CDK12: variants seen among roughly 807,000 people sequenced by gnomAD.
CDK12 encodes cyclin dependent kinase 12.
In CDK12, 17 loss-of-function variants were observed where a neutral mutation model predicts 133.8. The ratio of observed to expected loss-of-function variants is 0.13; its 90% CI spans 0.09 to 0.19. The LOEUF is 0.19. Ranked by LOEUF, CDK12 falls within the 10% of genes least tolerant of loss-of-function variation. The pLI is 1.00. For missense variants in CDK12, 1,508 were observed against 1,818.7 expected (o/e 0.83, Z 3.11); for synonymous variants, 694 against 683.6 (o/e 1.02, Z -0.24).
chr17:39,511,691 T>C (rs2053516000), intron 8 of CDK12, 61 bp downstream of exon 8: 14 of 1,108,552 alleles, frequency 1.3e-5, no homozygotes, highest in Non-Finnish European at 1.8e-5. Context: ...TTGTACTTTG[T>C]TTTCTCTGTA....
At chr17:39,509,263 G>A (rs1399765781) in intron 6 of CDK12, among the ~76,000 whole-genome samples, 1 of 152,068 alleles carries the variant, frequency 6.6e-6, no homozygotes, top group Non-Finnish European at 1.5e-5. Flanking sequence ...TGGGACTACA[G>A]GTGTGAGCCA....
At chr17:39,512,934 A>G (rs759396922) in intron 8 of CDK12, among the ~76,000 whole-genome samples, 6 of 152,100 alleles carry the variant, frequency 3.9e-5, no homozygotes, top group Non-Finnish European at 5.9e-5. Flanking sequence ...CATTGTGGTT[A>G]TTATCCTTAT....
chr17:39,542,477 C>G (rs1371885022), intron 1 of CDK12, among the ~76,000 whole-genome samples: 1 of 151,728 alleles, frequency 6.6e-6, no homozygotes, highest in Non-Finnish European at 1.5e-5. Context: ...AGGCGTGAGC[C>G]ACCGCGCCCA....
At chr17:39,543,529 G>A (rs1046302691), upstream of CDK12, among the ~76,000 whole-genome samples, 6 of 152,192 alleles carry the variant, frequency 3.9e-5, no homozygotes, top group Admixed American at 3.9e-4. Flanking sequence ...GGGCATCATT[G>A]GGCAGATTAG....
intron 3 of CDK12, among the ~76,000 whole-genome samples, chr17:39,557,500 C>T (rs1226437602): frequency 6.6e-6 from 1 of 152,168 alleles, no homozygotes; most frequent in East Asian, 1.9e-4. Context: ...CTTGACCTTT[C>T]ATGGAGGGGC....
intron 12 of CDK12, 107 bp downstream of exon 12, chr17:39,524,992 C>A: frequency 1.1e-6 from 1 of 880,222 alleles, no homozygotes; most frequent in Non-Finnish European, 1.7e-6. Context: ...GTTTTTGGTC[C>A]AGTGAACCAT....
chr17:39,519,831 A>G (rs2054057791), intron 10 of CDK12, 125 bp from the exon 11 acceptor site: 2 of 925,000 alleles, frequency 2.2e-6, no homozygotes, highest in Non-Finnish European at 3.3e-6. Flanking sequence ...TTCTGGCCTC[A>G]CGCAGTCCTA....
rs1275210314 is a variant in CDK12, at chr17:39,533,978, A to C, written c.*2662A>C. On this transcript the variant is annotated 3_prime_UTR_variant, in exon 14 of 14. Transcript: ENST00000447079. ...TCAAAAGTGGTTTTCGTTTTGTTTT[A>C]ATTATTGTACAATGAGAGATATTGT... The C allele has an allele frequency of 4.3e-6, 1 of 232,166 alleles. No homozygotes were observed. Among genetic ancestry groups the C allele is most frequent in the African/African-American group, 2.2e-5 (1 of 45,268 alleles). 14.4% of individuals were successfully genotyped at this position (232,166 alleles called of 1,614,324 possible). A position where few individuals can be genotyped will look rare whatever the true frequency, so the allele number is the denominator to read the frequency against.
intron 2 of CDK12, among the ~76,000 whole-genome samples, chr17:39,476,740 T>TTTTTTTTTTG (rs2050239995): frequency 7.2e-6 from 1 of 139,372 alleles, no homozygotes; most frequent in Non-Finnish European, 1.5e-5. Flanking sequence ...TTTTTTTTTT[T>TTTTTTTTTTG]GAGACAGAGT....
chr17:39,532,162 C>T lies in CDK12; in HGVS notation c.*846C>T, dbSNP rs545353091. ...TCTCTCTGTCTCGCTTGCTCGCTCT[C>T]GCTGTTTCTCTCTCTTTGAGGCATT... On this transcript the variant is annotated 3_prime_UTR_variant, in exon 14 of 14. Coordinates refer to ENST00000447079, the MANE Select transcript of CDK12 (RefSeq NM_016507.4). 1.5e-4 allele frequency: 34 copies of T among 231,110 alleles called. No homozygotes were observed. The highest frequency in any genetic ancestry group is 6.1e-4 in the African/African-American group (27 of 44,538). 14.3% of individuals were successfully genotyped at this position (231,110 alleles called of 1,614,324 possible).
intron 2 of CDK12, among the ~76,000 whole-genome samples, chr17:39,479,649 CAG>C (rs1212581825): frequency 6.6e-6 from 1 of 151,696 alleles, no homozygotes; most frequent in Non-Finnish European, 1.5e-5. Context: ...TCCCCCGAGA[CAG>C]AGTCTTGCTC....
chr17:39,543,398 T>A (rs1175784760), upstream of CDK12, among the ~76,000 whole-genome samples: 1 of 152,204 alleles, frequency 6.6e-6, no homozygotes. Flanking sequence ...CCCTCCTGGA[T>A]GTATCTACAG....
chr17:39,541,390 CAG>C (rs58795017), intron 1 of CDK12, among the ~76,000 whole-genome samples: 1 of 134,036 alleles, frequency 7.5e-6, no homozygotes, highest in East Asian at 2.1e-4. Flanking sequence ...TTTTTTGAGA[CAG>C]AGTCTCGCTC....
Position 39,471,698 on chromosome 17 carries a change from G to C in CDK12, c.1866G>C (p.Leu622=), listed in dbSNP as rs1347195758. 1 of 1,614,114 alleles carries C rather than the reference G, an allele frequency of 6.2e-7. No homozygotes were observed. The highest frequency in any genetic ancestry group is 8.5e-7 in the Non-Finnish European group (1 of 1,180,004). ...QVSVTAAIPH[L]KTSTLPPLPL... is the part of the protein sequence containing the mutation. The stretch of plus-strand genomic sequence containing the variant: ...CTGTAACAGCTGCTATTCCACACCT[G>C]AAAACTTCAACGTTGCCTCCTTTGC... The change falls in exon 2 of 14, where the codon CTG becomes CTC. Residue 622 remains leucine, a synonymous_variant. Transcript: ENST00000447079.
chr17:39,538,913 A>ATACATACG (rs1309937867), downstream of CDK12, among the ~76,000 whole-genome samples: 673 of 148,590 alleles, frequency 4.5e-3, 4 homozygotes, highest in African/African-American at 0.017. Flanking sequence ...AAATACATAC[A>ATACATACG]TACATACATA....
intron 2 of CDK12, 67 bp downstream of exon 2, chr17:39,471,830 T>A: frequency 7.4e-7 from 1 of 1,346,852 alleles, no homozygotes; most frequent in Non-Finnish European, 1.0e-6. Context: ...TGTTTTAATC[T>A]TTGTCAACAC....
intron 2 of CDK12, among the ~76,000 whole-genome samples, chr17:39,482,982 G>A (rs1175623774): frequency 1.4e-5 from 2 of 146,830 alleles, no homozygotes; most frequent in East Asian, 2.0e-4. Context: ...GCATGATCTC[G>A]GCTCACTGCA....
At chr17:39,481,900 T>G (rs2050740880) in intron 2 of CDK12, among the ~76,000 whole-genome samples, 1 of 151,614 alleles carries the variant, frequency 6.6e-6, no homozygotes, top group African/African-American at 2.4e-5. Flanking sequence ...TTTTGTATCC[T>G]TAGTAGAGAT....
chr17:39,478,538 A>C (rs1274062508), intron 2 of CDK12, among the ~76,000 whole-genome samples: 1 of 152,114 alleles, frequency 6.6e-6, no homozygotes, highest in African/African-American at 2.4e-5. Flanking sequence ...ATAAATTATT[A>C]AAGGTAGAAA....
Sources: allele counts gnomAD v4.1 joint callset (sites outside exome capture counted in the v4.1 genomes callset), GRCh38; gene constraint gnomAD v4.1.1; transcripts MANE v1.5; gene names NCBI Gene and HGNC (gene_info 2026-07-23, HGNC 2026-07-21).